USO1: variants seen among roughly 807,000 people sequenced by gnomAD.
USO1 encodes the protein general vesicular transport factor p115.
In USO1, 57 loss-of-function variants were observed where a neutral mutation model predicts 124.5. The ratio of observed to expected loss-of-function variants is 0.46; its 90% CI spans 0.37 to 0.57. The LOEUF is 0.57. Among genes scored for constraint, USO1 ranks in the 20% least tolerant of loss-of-function variants. The pLI, the probability that USO1 is intolerant of heterozygous loss-of-function variation, is 0.00. For synonymous variants in USO1, 369 were observed against 362.8 expected (o/e 1.02, Z -0.19); for missense variants, 900 against 1,040.6 (o/e 0.86, Z 1.86).
chr4:75,725,260 G>A (rs1430547432), intron 1 of USO1, among the ~76,000 whole-genome samples: 1 of 152,178 alleles, frequency 6.6e-6, no homozygotes, highest in Non-Finnish European at 1.5e-5. Context: ...TCTTTCGCTC[G>A]TCTGCACTGG....
chr4:75,761,113 C>T (rs1378332204), intron 4 of USO1, among the ~76,000 whole-genome samples: 2 of 151,486 alleles, frequency 1.3e-5, no homozygotes, highest in Admixed American at 1.3e-4. Flanking sequence ...TGCCACTGCA[C>T]GATCCAGCCT....
At chr4:75,726,610 T>C (rs925657104) in intron 1 of USO1, among the ~76,000 whole-genome samples, 1 of 152,156 alleles carries the variant, frequency 6.6e-6, no homozygotes, top group Admixed American at 6.5e-5. Context: ...TAGAATTGTT[T>C]AAAGCATAAG....
chr4:75,765,889 C>T (rs1721757001), intron 4 of USO1, among the ~76,000 whole-genome samples: 1 of 152,128 alleles, frequency 6.6e-6, no homozygotes, highest in Non-Finnish European at 1.5e-5. Context: ...AATCCTCTGC[C>T]ACCTTCACTT....
chr4:75,748,399 C>CA (rs1721195324), intron 1 of USO1, among the ~76,000 whole-genome samples: 1 of 151,052 alleles, frequency 6.6e-6, no homozygotes, highest in African/African-American at 2.4e-5. Flanking sequence ...ACATTGCCTA[C>CA]ACTGGTCTTG....
chr4:75,805,038 A>G (rs1308211432), intron 18 of USO1, 102 bp from the exon 19 acceptor site: 1 of 1,402,430 alleles, frequency 7.1e-7, no homozygotes, highest in Non-Finnish European at 9.4e-7. Context: ...AAGTGCTGCC[A>G]AAGTAATTGA....
At chr4:75,803,165 G>A (rs939023882) in intron 17 of USO1, among the ~76,000 whole-genome samples, 6 of 150,492 alleles carry the variant, frequency 4.0e-5, no homozygotes, top group Non-Finnish European at 8.9e-5. Flanking sequence ...CAAAAACATT[G>A]AATATAAATT....
chr4:75,800,561 T>G, intron 15 of USO1, 57 bp from the exon 16 acceptor site: 1 of 1,530,800 alleles, frequency 6.5e-7, no homozygotes, highest in Non-Finnish European at 8.7e-7. Flanking sequence ...ACCAAGCTTT[T>G]ATGTTTTGTT....
At chr4:75,759,915 A>C (rs988301451) in intron 4 of USO1, among the ~76,000 whole-genome samples, 2 of 151,760 alleles carry the variant, frequency 1.3e-5, no homozygotes, top group Non-Finnish European at 2.9e-5. Flanking sequence ...TGTCTTAAAA[A>C]AAAAAAAAAA....
intron 8 of USO1, among the ~76,000 whole-genome samples, chr4:75,780,291 G>T (rs1722181431): frequency 6.6e-6 from 1 of 152,018 alleles, no homozygotes; most frequent in Admixed American, 6.6e-5. Flanking sequence ...TTTTGAGATG[G>T]AGTCTCGCAC....
chr4:75,733,288 T>C (rs903002913), intron 1 of USO1, among the ~76,000 whole-genome samples: 1 of 151,800 alleles, frequency 6.6e-6, no homozygotes, highest in African/African-American at 2.4e-5. Context: ...ATAAATTAAG[T>C]CTGTATTAGC....
intron 1 of USO1, among the ~76,000 whole-genome samples, chr4:75,734,638 T>C (rs1720735345): frequency 6.6e-6 from 1 of 151,994 alleles, no homozygotes; most frequent in Admixed American, 6.6e-5. Context: ...TTAGAATAGT[T>C]TGTTCTAATT....
chr4:75,755,292 GAA>G (rs1157114986), intron 3 of USO1, among the ~76,000 whole-genome samples: 3 of 152,190 alleles, frequency 2.0e-5, no homozygotes, highest in Non-Finnish European at 4.4e-5. Flanking sequence ...GAGATGAATC[GAA>G]AAGTTTTGGA....
chr4:75,750,586 C>T (rs1168699032), intron 1 of USO1, among the ~76,000 whole-genome samples: 2 of 152,016 alleles, frequency 1.3e-5, no homozygotes, highest in African/African-American at 2.4e-5. Context: ...CGGGTTCAAG[C>T]GATTCTCCTG....
At chr4:75,774,240 T>A (rs1722010578) in intron 7 of USO1, among the ~76,000 whole-genome samples, 1 of 152,194 alleles carries the variant, frequency 6.6e-6, no homozygotes, top group Non-Finnish European at 1.5e-5. Flanking sequence ...ATTTCTGAAC[T>A]TTCTCTACTA....
chr4:75,745,640 C>G (rs1477831192), intron 1 of USO1, among the ~76,000 whole-genome samples: 1 of 152,170 alleles, frequency 6.6e-6, no homozygotes, highest in Non-Finnish European at 1.5e-5. Context: ...TGGCTCACAC[C>G]TGTAATTCCA....
intron 20 of USO1, among the ~76,000 whole-genome samples, chr4:75,808,196 A>G (rs1319327700): frequency 1.3e-5 from 2 of 151,940 alleles, no homozygotes; most frequent in Non-Finnish European, 2.9e-5. Context: ...TTGGGGGAGG[A>G]GAAGGTGAGA....
intron 4 of USO1, among the ~76,000 whole-genome samples, chr4:75,762,150 G>A (rs1395981188): frequency 6.9e-6 from 1 of 144,876 alleles, no homozygotes; most frequent in African/African-American, 2.6e-5. Flanking sequence ...TGAGTAAGTA[G>A]AAGAACAATT....
rs376633692 is a variant in USO1 at position 75,724,924 on chromosome 4, C to T, written c.66+39C>T. On this transcript the variant is annotated intron_variant, in intron 1 of 23. Coordinates refer to ENST00000514213, the MANE Select transcript of USO1 (RefSeq NM_003715.4). ...CGGGTCTGGGACTTGGGAAGGGGTCCGGGCAGGGACGGGGACGGAGCACTC... is the reference window on the plus strand; with the variant it reads ...CGGGTCTGGGACTTGGGAAGGGGTCTGGGCAGGGACGGGGACGGAGCACTC... The T allele has an allele frequency of 1.0e-4, 162 of 1,608,162 alleles. 1 individual carries two copies. In the African/African-American group the frequency reaches 1.8e-3, roughly 18 times the overall value.
At chr4:75,772,667 C>T (rs1169528220) in intron 7 of USO1, among the ~76,000 whole-genome samples, 3 of 152,062 alleles carry the variant, frequency 2.0e-5, no homozygotes, top group African/African-American at 4.8e-5. Context: ...ATCTTTAAAG[C>T]TTCTGTTCTA....
Sources: gnomAD v4.1 joint callset for allele counts (sites outside exome capture counted in the v4.1 genomes callset) on GRCh38, gnomAD v4.1.1 for gene constraint, MANE v1.5 for transcripts, NCBI Gene and HGNC (gene_info 2026-07-23, HGNC 2026-07-21) for gene names.